RAD51B: variants seen among roughly 807,000 people sequenced by gnomAD.
RAD51B encodes DNA repair protein RAD51 homolog 2.
In RAD51B, 38 loss-of-function variants were observed where a neutral mutation model predicts 42.2. That is an observed-to-expected ratio of 0.90 (90% confidence interval 0.70 to 1.18). The LOEUF (loss-of-function observed/expected upper bound fraction) is 1.18, where lower values mean the gene tolerates loss of function less well. RAD51B is among the 50% of genes most tolerant of loss of function. The pLI is 0.00. For synonymous variants in RAD51B, 154 were observed against 145.2 expected (o/e 1.06, Z -0.43); for missense variants, 373 against 400.7 (o/e 0.93, Z 0.59).
Position 68,169,962 on chromosome 14 carries a change from A to G in RAD51B, c.757-121922A>G, listed in dbSNP as rs76704116. ...AAAAAATAGCAAAGAATACTGTTCTATGGACTCTTAGCTGTGGTGGAAAGA... is the reference window on the plus strand; with the variant it reads ...AAAAAATAGCAAAGAATACTGTTCTGTGGACTCTTAGCTGTGGTGGAAAGA... On this transcript the variant is annotated intron_variant, in intron 7 of 10. Transcript: ENST00000471583. 3.1e-3 allele frequency among the ~76,000 whole-genome samples: 465 copies of G among 152,314 alleles called. 1 individual carries two copies. The highest frequency in any genetic ancestry group is 0.011 in the African/African-American group (443 of 41,576).
At chr14:68,494,025 C>G (rs1374248492) in intron 10 of RAD51B, among the ~76,000 whole-genome samples, 2 of 152,116 alleles carry the variant, frequency 1.3e-5, no homozygotes, top group Non-Finnish European at 2.9e-5. Flanking sequence ...CCTGTAATCC[C>G]AGCACTATGG....
intron 4 of RAD51B, among the ~76,000 whole-genome samples, chr14:67,855,374 G>A (rs1379178179): frequency 2.0e-5 from 3 of 151,124 alleles, no homozygotes; most frequent in African/African-American, 7.3e-5. Flanking sequence ...GGGATTACAG[G>A]TGCCCGCCAC....
At chr14:68,448,907 G>A (rs867348521) in intron 9 of RAD51B, among the ~76,000 whole-genome samples, 57 of 152,052 alleles carry the variant, frequency 3.7e-4, no homozygotes, top group Middle Eastern at 3.4e-3. Flanking sequence ...AAAAAATCAA[G>A]CAATATAGTA....
chr14:68,619,479 A>T (rs997842921), intron 10 of RAD51B, among the ~76,000 whole-genome samples: 2 of 152,102 alleles, frequency 1.3e-5, no homozygotes, highest in African/African-American at 2.4e-5. Flanking sequence ...AAAAGAAAAA[A>T]AAAAGTTAAA....
At chr14:68,648,255 C>T (rs1016470050) in intron 10 of RAD51B, among the ~76,000 whole-genome samples, 7 of 146,260 alleles carry the variant, frequency 4.8e-5, no homozygotes, top group Admixed American at 1.4e-4. Context: ...AAACTCTGTA[C>T]GTGCTCAAAG....
At chr14:67,820,617 A>G (rs937204899) in intron 1 of RAD51B, among the ~76,000 whole-genome samples, 3 of 152,168 alleles carry the variant, frequency 2.0e-5, no homozygotes, top group African/African-American at 7.2e-5. Context: ...AGATTATCGA[A>G]TAGATATGTG....
chr14:68,350,118 G>A (rs887310306), intron 8 of RAD51B, among the ~76,000 whole-genome samples: 2 of 152,148 alleles, frequency 1.3e-5, no homozygotes, highest in African/African-American at 4.8e-5. Flanking sequence ...CACATATAGA[G>A]TTTGTTCTCT....
chr14:68,082,893 A>G lies in RAD51B; in HGVS notation c.756+195689A>G, dbSNP rs527795937. On this transcript the variant is annotated intron_variant, in intron 7 of 10. Transcript: ENST00000471583. ...TCTGACACATCTGAGGTATTTGCAT[A>G]TAGACATCTGGGTACATATGCACAC... Among the ~76,000 whole-genome samples the G allele has an allele frequency of 8.5e-5, 13 of 152,324 alleles. No individual in the cohort carries two copies. In the East Asian group the frequency reaches 2.3e-3, roughly 27 times the overall value.
At chr14:68,290,904 T>C (rs895675807) in intron 7 of RAD51B, among the ~76,000 whole-genome samples, 2 of 152,132 alleles carry the variant, frequency 1.3e-5, no homozygotes, top group East Asian at 3.9e-4. Context: ...CCTGCCGGGT[T>C]CAAGCAATTC....
intron 7 of RAD51B, among the ~76,000 whole-genome samples, chr14:67,983,651 G>A (rs1211350356): frequency 6.6e-6 from 1 of 152,104 alleles, no homozygotes; most frequent in African/African-American, 2.4e-5. Flanking sequence ...GCTCTGCAGT[G>A]ATTTACCTAA....
In RAD51B at chr14:68,346,501, C is replaced by T. The variant is rs1006421424; in HGVS notation, c.853+54521C>T. 2.6e-5 allele frequency among the ~76,000 whole-genome samples: 4 copies of T among 152,328 alleles called. No individual in the cohort carries two copies. The South Asian group carries it at 6.2e-4, about 24-fold the overall frequency. On this transcript the variant is annotated intron_variant, in intron 8 of 10. Coordinates refer to ENST00000471583, the MANE Select transcript of RAD51B (RefSeq NM_133510.4). ...CACTCGATCATCAAGATTTCTTCCT[C>T]GATTTCATGTTCAGCTCTACATCCA...
chr14:67,955,507 T>C (rs1053389321), intron 7 of RAD51B, among the ~76,000 whole-genome samples: 7 of 152,236 alleles, frequency 4.6e-5, no homozygotes, highest in African/African-American at 1.7e-4. Flanking sequence ...TTGCTTCTGA[T>C]TTCTTCTGTT....
intron 7 of RAD51B, among the ~76,000 whole-genome samples, chr14:68,202,320 A>G (rs1281281854): frequency 6.6e-6 from 1 of 152,174 alleles, no homozygotes; most frequent in Non-Finnish European, 1.5e-5. Context: ...AGTGAAGTTT[A>G]CTGCATTAAT....
At chr14:67,860,886 TA>T (rs1221259980) in intron 4 of RAD51B, among the ~76,000 whole-genome samples, 1 of 152,228 alleles carries the variant, frequency 6.6e-6, no homozygotes, top group Non-Finnish European at 1.5e-5. Context: ...TTAATGTTGT[TA>T]ATTTTTCTTA....
intron 7 of RAD51B, among the ~76,000 whole-genome samples, chr14:67,965,667 C>A (rs2074760167): frequency 6.6e-6 from 1 of 152,098 alleles, no homozygotes; most frequent in Non-Finnish European, 1.5e-5. Context: ...CAGACGCACA[C>A]ACACATGTAC....
At chr14:68,290,796 TTTTATTTA>T (rs74938557) in intron 7 of RAD51B, among the ~76,000 whole-genome samples, 1 of 149,472 alleles carries the variant, frequency 6.7e-6, no homozygotes, top group Non-Finnish European at 1.5e-5. Context: ...ATTTATTTAT[TTTTATTTA>T]TTTATTTATT....
intron 4 of RAD51B, among the ~76,000 whole-genome samples, chr14:67,857,371 A>T (rs545132183): frequency 6.3e-4 from 96 of 152,320 alleles, no homozygotes; most frequent in African/African-American, 2.3e-3. Flanking sequence ...TATTCACATG[A>T]TGTTTTATTT....
intron 10 of RAD51B, among the ~76,000 whole-genome samples, chr14:68,538,911 T>C (rs745619100): frequency 1.2e-4 from 19 of 152,192 alleles, no homozygotes; most frequent in Non-Finnish European, 2.8e-4. Flanking sequence ...TTTGAGTTTG[T>C]CACCCTTGAT....
intron 7 of RAD51B, among the ~76,000 whole-genome samples, chr14:68,163,977 T>G (rs2078699409): frequency 6.6e-6 from 1 of 152,222 alleles, no homozygotes; most frequent in South Asian, 2.1e-4. Context: ...CTATTTTTCT[T>G]GAGAAGAAAT....
Sources: gnomAD v4.1 joint callset for allele counts (sites outside exome capture counted in the v4.1 genomes callset) on GRCh38, gnomAD v4.1.1 for gene constraint, MANE v1.5 for transcripts, NCBI Gene and HGNC (gene_info 2026-07-23, HGNC 2026-07-21) for gene names.